Variants in PGGT1B observed in about 807,000 individuals in gnomAD.
The protein encoded by PGGT1B is geranylgeranyl transferase type-1 subunit beta.
Under a neutral mutation model 46.1 loss-of-function variants are expected in PGGT1B, and 30 were observed. That is an observed-to-expected ratio of 0.65 (90% CI 0.49 to 0.88). PGGT1B has a LOEUF of 0.88. Ranked by LOEUF, PGGT1B falls within the 40% of genes least tolerant of loss-of-function variation. PGGT1B has a pLI of 0.00. For synonymous variants in PGGT1B, 170 were observed against 160.0 expected (o/e 1.06, Z -0.47); for missense variants, 376 against 455.9 (o/e 0.82, Z 1.60).
chr5:115,227,798 T>C (rs1348652991), intron 6 of PGGT1B, among the ~76,000 whole-genome samples: 1 of 152,186 alleles, frequency 6.6e-6, no homozygotes, highest in Non-Finnish European at 1.5e-5. Flanking sequence ...AAGACAAAAA[T>C]GTCTATTCTC....
At position 115,213,010 on chromosome 5, in the gene PGGT1B, A is replaced by T. The variant is rs577380213; in HGVS notation, c.953-427T>A. On this transcript the variant is annotated intron_variant, in intron 8 of 8. Transcript: ENST00000419445. ...AAAACGAAAACAAAACTCTGAATCT[A>T]AGTTGCAATATCCCTCGCTCCACGT... Among the ~76,000 whole-genome samples, 6 of 152,256 alleles carry T rather than the reference A, an allele frequency of 3.9e-5. No individual in the cohort carries two copies. The East Asian group carries it at 1.2e-3, about 29-fold the overall frequency.
At chr5:115,233,321 TAGA>T (rs953929864) in intron 5 of PGGT1B, among the ~76,000 whole-genome samples, 40 of 150,566 alleles carry the variant, frequency 2.7e-4, no homozygotes, top group Admixed American at 5.3e-4. Context: ...AGAAAAGAAA[TAGA>T]AGAAAAAGAC....
rs1453009660 is a variant in PGGT1B, at chr5:115,206,047, A to G, written c.*6355T>C. 2.0e-5 allele frequency: 3 copies of G among 151,922 alleles called. No homozygotes were observed. Among genetic ancestry groups the G allele is most frequent in the South Asian group, 4.1e-4 (2 of 4,834 alleles). The allele number at this position is 151,922 out of a possible 1,614,324, so 9.4% of individuals were successfully genotyped here. On this transcript the variant is annotated 3_prime_UTR_variant, in exon 9 of 9. Coordinates refer to ENST00000419445, the MANE Select transcript of PGGT1B (RefSeq NM_005023.4). Reference sequence around the variant, plus strand: ...TGCAACTATTAAAGTATGGCTATTGAAAGGCATTCATAATACATTGTTGAA... The same window carrying G: ...TGCAACTATTAAAGTATGGCTATTGGAAGGCATTCATAATACATTGTTGAA...
rs1327917874 is a variant in PGGT1B at position 115,205,427 on chromosome 5, T to C, written c.*6975A>G. Reference sequence around the variant, plus strand: ...TTAGTTAGAGCCTCAAGATATTTAATGAAAAGTTTGAACAAACATGGAAAA... The same window carrying C: ...TTAGTTAGAGCCTCAAGATATTTAACGAAAAGTTTGAACAAACATGGAAAA... On this transcript the variant is annotated 3_prime_UTR_variant, in exon 9 of 9. Coordinates refer to ENST00000419445, the MANE Select transcript of PGGT1B (RefSeq NM_005023.4). The C allele has an allele frequency of 6.6e-6, 1 of 151,930 alleles. No homozygotes were observed. Among genetic ancestry groups the C allele is most frequent in the South Asian group, 2.1e-4 (1 of 4,832 alleles). 9.4% of individuals were successfully genotyped at this position (151,930 alleles called of 1,614,324 possible). A position where few individuals can be genotyped will look rare whatever the true frequency, so the allele number is the denominator to read the frequency against.
At chr5:115,213,216 T>C (rs532204480) in intron 8 of PGGT1B, among the ~76,000 whole-genome samples, 1 of 152,298 alleles carries the variant, frequency 6.6e-6, no homozygotes, top group Admixed American at 6.5e-5. Context: ...TCACATTCTA[T>C]TTGGTTGAAA....
intron 3 of PGGT1B, among the ~76,000 whole-genome samples, chr5:115,239,853 G>C (rs1490701320): frequency 2.6e-5 from 4 of 152,212 alleles, no homozygotes; most frequent in Non-Finnish European, 5.9e-5. Flanking sequence ...ACAATAGTGG[G>C]AGGATCCATC....
rs200951057 is a variant in PGGT1B, at chr5:115,242,404, T to TA, written c.260-799dup. Among the ~76,000 whole-genome samples the TA allele has an allele frequency of 7.8e-3, 1,179 of 151,676 alleles. 4 individuals carry two copies. Among genetic ancestry groups the TA allele is most frequent in the Middle Eastern group, 0.017 (5 of 292 alleles). On this transcript the variant is annotated intron_variant, in intron 2 of 8. Transcript: ENST00000419445. ...CAGCAGACTGTAAATGCACCGCTGA[T>TA]AAAAAAAAATCGAGTTGGTCTAAAA...
intron 2 of PGGT1B, among the ~76,000 whole-genome samples, chr5:115,250,446 C>A (rs1748043476): frequency 6.6e-6 from 1 of 152,130 alleles, no homozygotes; most frequent in Non-Finnish European, 1.5e-5. Flanking sequence ...ATAGAAGACA[C>A]ATTCACTTGT....
chr5:115,245,205 T>C (rs776601485), intron 2 of PGGT1B, among the ~76,000 whole-genome samples: 1 of 152,206 alleles, frequency 6.6e-6, no homozygotes, highest in Non-Finnish European at 1.5e-5. Flanking sequence ...GTGTTTTACA[T>C]AGAGGCAGAC....
At chr5:115,220,799 A>G (rs1035500852) in intron 7 of PGGT1B, among the ~76,000 whole-genome samples, 1 of 151,952 alleles carries the variant, frequency 6.6e-6, no homozygotes, top group African/African-American at 2.4e-5. Context: ...TTAAAAAGTT[A>G]TTTTCATTTA....
intron 6 of PGGT1B, among the ~76,000 whole-genome samples, chr5:115,225,553 C>A (rs997674548): frequency 6.6e-6 from 1 of 151,654 alleles, no homozygotes; most frequent in Non-Finnish European, 1.5e-5. Flanking sequence ...TTAAGGTAGT[C>A]AAAAATCATA....
chr5:115,208,135 T>C lies in PGGT1B; in HGVS notation c.*4267A>G, dbSNP rs993087395. ...TTTGCTAATGTTATCATTAAAACTT[T>C]TTATTAATATTCATGAGATTGCTCT... On this transcript the variant is annotated 3_prime_UTR_variant, in exon 9 of 9. Transcript: ENST00000419445. The C allele has an allele frequency of 2.0e-5, 3 of 152,072 alleles. No homozygotes were observed. The highest frequency in any genetic ancestry group is 7.2e-5 in the African/African-American group (3 of 41,428). 9.4% of individuals were successfully genotyped at this position (152,072 alleles called of 1,614,324 possible).
intron 7 of PGGT1B, among the ~76,000 whole-genome samples, chr5:115,220,610 A>C (rs1457421554): frequency 1.3e-5 from 2 of 151,946 alleles, no homozygotes; most frequent in African/African-American, 2.4e-5. Flanking sequence ...TGTGCTATGT[A>C]TATTTTCAAC....
At chr5:115,222,802 G>T (rs1027111754) in intron 6 of PGGT1B, among the ~76,000 whole-genome samples, 1 of 152,210 alleles carries the variant, frequency 6.6e-6, no homozygotes, top group African/African-American at 2.4e-5. Flanking sequence ...AAACGGATGA[G>T]TTCACGTCCT....
rs1681998621 is a variant in PGGT1B, at chr5:115,209,008, CTT to C, written c.*3392_*3393del. The C allele has an allele frequency of 6.6e-6, 1 of 151,924 alleles. No homozygotes were observed. Among genetic ancestry groups the C allele is most frequent in the African/African-American group, 2.4e-5 (1 of 41,380 alleles). 9.4% of individuals were successfully genotyped at this position (151,924 alleles called of 1,614,324 possible). On this transcript the variant is annotated 3_prime_UTR_variant, in exon 9 of 9. Coordinates refer to ENST00000419445, the MANE Select transcript of PGGT1B (RefSeq NM_005023.4). The stretch of plus-strand genomic sequence containing the variant: ...GGACTGTAATCCTGGCTCACTTACT[CTT>C]TTTTTCCCCTTAACTGAAATGAGTT...
intron 8 of PGGT1B, among the ~76,000 whole-genome samples, chr5:115,215,167 T>C (rs1003959671): frequency 6.6e-6 from 1 of 151,800 alleles, no homozygotes; most frequent in Admixed American, 6.6e-5. Context: ...CCTGGCTATT[T>C]TTGTATTTTT....
In PGGT1B at chr5:115,248,273, C is replaced by T. The variant is rs566435028; in HGVS notation, c.259+4864G>A. ...AGAAAAACATGCATGGTAAACAGAG[C>T]ACCTATTGCACTGAATCAGCACATA... On this transcript the variant is annotated intron_variant, in intron 2 of 8. Transcript: ENST00000419445. Among the ~76,000 whole-genome samples the T allele has an allele frequency of 6.6e-5, 10 of 152,196 alleles. No homozygotes were observed. The South Asian group carries it at 2.1e-3, about 32-fold the overall frequency.
chr5:115,260,343 T>C (rs1403803166), intron 1 of PGGT1B, among the ~76,000 whole-genome samples: 1 of 152,158 alleles, frequency 6.6e-6, no homozygotes, highest in East Asian at 1.9e-4. Flanking sequence ...AACACCTGAA[T>C]CATTAGTTTA....
chr5:115,243,219 A>T lies in PGGT1B; in HGVS notation c.260-1613T>A, dbSNP rs146745404. 1.4e-3 allele frequency among the ~76,000 whole-genome samples: 220 copies of T among 152,344 alleles called. 4 individuals are homozygous for T. The East Asian group carries it at 0.038, about 27-fold the overall frequency. ...CTCATAACCTTTTGACCTAGTCATG[A>T]TATATCTGAGAATCAATTCCAATAA... On this transcript the variant is annotated intron_variant, in intron 2 of 8. Transcript: ENST00000419445.
Sources: allele counts gnomAD v4.1 joint callset (sites outside exome capture counted in the v4.1 genomes callset), GRCh38; gene constraint gnomAD v4.1.1; transcripts MANE v1.5; gene names NCBI Gene and HGNC (gene_info 2026-07-23, HGNC 2026-07-21).